Variants in TLN2 observed in about 807,000 individuals in gnomAD.
The protein encoded by TLN2 is talin-2.
A neutral mutation model predicts 294.7 loss-of-function variants in TLN2; 118 were observed. That is an observed-to-expected ratio of 0.40 (90% CI 0.34 to 0.47). The LOEUF is 0.47. TLN2 is among the 20% of genes least tolerant of loss of function. The pLI is 0.84. For missense variants in TLN2, 3,083 were observed against 3,282.2 expected, an observed-to-expected ratio of 0.94 and a Z score of 1.48; for synonymous variants, 1,431 against 1,304.5, an observed-to-expected ratio of 1.10 and a Z score of -2.09.
rs1356457924 is a variant in TLN2 at position 62,740,614 on chromosome 15, C to T, written c.3886-16C>T. ...TGGACAGGCCCTAATAGCTCCGGCT[C>T]CTTTTGACCTTCCAGACAAAAGAAG... On this transcript the variant is annotated splice_polypyrimidine_tract_variant and intron_variant, in intron 31 of 58. Coordinates refer to ENST00000636159, the MANE Select transcript of TLN2 (RefSeq NM_015059.3). 1 of 1,614,046 alleles carries T rather than the reference C, an allele frequency of 6.2e-7. No individual in the cohort carries two copies. The highest frequency in any genetic ancestry group is 8.5e-7 in the Non-Finnish European group (1 of 1,179,988).
At chr15:62,750,543 G>A in intron 34 of TLN2, 52 bp downstream of exon 34, 1 of 1,526,354 alleles carries the variant, frequency 6.6e-7, no homozygotes, top group Non-Finnish European at 9.1e-7. Flanking sequence ...GTCAATGTGG[G>A]GAGAAGTTTA....
At chr15:62,825,861 T>A (rs1596145442) in intron 54 of TLN2, among the ~76,000 whole-genome samples, 1 of 90,702 alleles carries the variant, frequency 1.1e-5, no homozygotes, top group East Asian at 2.5e-4. Flanking sequence ...ATTATATATA[T>A]ATATATTTAT....
intron 1 of TLN2, among the ~76,000 whole-genome samples, chr15:62,448,252 A>C (rs1397392724): frequency 6.6e-6 from 1 of 152,218 alleles, no homozygotes; most frequent in Non-Finnish European, 1.5e-5. Context: ...CTGAGGAGTG[A>C]CAGGATTCCC....
intron 11 of TLN2, among the ~76,000 whole-genome samples, chr15:62,679,832 A>G (rs2056638363): frequency 1.3e-5 from 2 of 152,206 alleles, no homozygotes; most frequent in Admixed American, 1.3e-4. Flanking sequence ...CCAGCATTAC[A>G]TGTACTTGTG....
chr15:62,657,153 T>TG (rs35956846), intron 8 of TLN2, among the ~76,000 whole-genome samples: 112,718 of 139,106 alleles, frequency 0.81, 46,456 homozygotes, highest in Non-Finnish European at 0.89. Flanking sequence ...GCTGAAAAGG[T>TG]GGGGGGGGGA....
At chr15:62,480,395 T>C (rs1470303329) in intron 1 of TLN2, among the ~76,000 whole-genome samples, 1 of 152,026 alleles carries the variant, frequency 6.6e-6, no homozygotes. Flanking sequence ...TGTATTTTTA[T>C]TAGAGACAGA....
At chr15:62,496,369 C>G (rs1314648414) in intron 1 of TLN2, among the ~76,000 whole-genome samples, 1 of 151,834 alleles carries the variant, frequency 6.6e-6, no homozygotes, top group Admixed American at 6.6e-5. Flanking sequence ...AGAAATTACA[C>G]GGAACCACAT....
At position 62,648,809 on chromosome 15, in the gene TLN2, A is replaced by G. The variant is rs578027172; in HGVS notation, c.137-1275A>G. On this transcript the variant is annotated intron_variant, in intron 4 of 58. Transcript: ENST00000636159. ...GGTGATCTGCCTGCCTCGGCCTCCT[A>G]AAGTGCTGGGATTACAGACGTGAGC... Among the ~76,000 whole-genome samples, 20 of 152,118 alleles carry G rather than the reference A, an allele frequency of 1.3e-4. No homozygotes were observed. The South Asian group carries it at 3.1e-3, about 24-fold the overall frequency.
chr15:62,421,172 T>G (rs1025305873), intron 1 of TLN2, among the ~76,000 whole-genome samples: 1 of 152,188 alleles, frequency 6.6e-6, no homozygotes, highest in African/African-American at 2.4e-5. Flanking sequence ...TGCATCTTGT[T>G]ACCGGTCCAC....
At chr15:62,432,012 G>T (rs922835434) in intron 1 of TLN2, among the ~76,000 whole-genome samples, 1 of 152,274 alleles carries the variant, frequency 6.6e-6, no homozygotes, top group Non-Finnish European at 1.5e-5. Flanking sequence ...TGCTCTTTTA[G>T]CTCCTGAATG....
At chr15:62,425,979 TC>T (rs1231996032) in intron 1 of TLN2, among the ~76,000 whole-genome samples, 1 of 152,156 alleles carries the variant, frequency 6.6e-6, no homozygotes, top group African/African-American at 2.4e-5. Context: ...AATTTCTAAG[TC>T]CCCTTGACCT....
At chr15:62,694,429 C>A (rs923780822) in intron 14 of TLN2, 37 bp downstream of exon 14, 2 of 1,579,072 alleles carry the variant, frequency 1.3e-6, no homozygotes, top group African/African-American at 1.3e-5. Context: ...ACCACCTTCT[C>A]CCTAGATAGG....
At chr15:62,402,337 A>G (rs1263284305) in intron 1 of TLN2, among the ~76,000 whole-genome samples, 1 of 152,202 alleles carries the variant, frequency 6.6e-6, no homozygotes, top group South Asian at 2.1e-4. Flanking sequence ...CAAACTCACC[A>G]GTCTGACCGT....
In TLN2 at chr15:62,761,688, A is replaced by T; in HGVS notation, c.4646A>T (p.Asp1549Val). The T allele has an allele frequency of 6.2e-7, 1 of 1,614,082 alleles. No homozygotes were observed. Among genetic ancestry groups the T allele is most frequent in the Non-Finnish European group, 8.5e-7 (1 of 1,180,000 alleles). The change falls in exon 38 of 59, where the codon GAT (aspartate) becomes GTT (valine). Residue 1549 changes from aspartate (D) to valine (V), a missense_variant. Transcript: ENST00000636159. ...CCTGTTTTCTCCCATCAGGCCCTGG[A>T]TGGGGATTTCTCTGAAGACAACCGC... Reference protein sequence around the residue: ...ANLVKTIKALDGDFSEDNRNK... With the variant: ...ANLVKTIKALVGDFSEDNRNK...
At chr15:62,762,729 G>GA (rs1567550483) in intron 39 of TLN2, among the ~76,000 whole-genome samples, 1 of 152,118 alleles carries the variant, frequency 6.6e-6, no homozygotes, top group Non-Finnish European at 1.5e-5. Flanking sequence ...TTGTACTGAT[G>GA]AAAAAATTTA....
chr15:62,751,308 C>T (rs374332183), intron 34 of TLN2, among the ~76,000 whole-genome samples: 5 of 152,238 alleles, frequency 3.3e-5, no homozygotes, highest in East Asian at 1.9e-4. Flanking sequence ...TTTATTCTAG[C>T]GGGGAAACAT....
intron 55 of TLN2, chr15:62,834,244 C>G (rs1241798055): frequency 6.6e-6 from 1 of 152,140 alleles, no homozygotes; most frequent in Non-Finnish European, 1.5e-5. Context: ...GAACAGTCTT[C>G]CGATTTAACA....
At chr15:62,751,195 CTT>C (rs973320431) in intron 34 of TLN2, among the ~76,000 whole-genome samples, 7 of 151,958 alleles carry the variant, frequency 4.6e-5, no homozygotes, top group African/African-American at 1.7e-4. Context: ...ATACCAATGT[CTT>C]TTGAGAATGC....
intron 1 of TLN2, among the ~76,000 whole-genome samples, chr15:62,468,399 T>A (rs1360166476): frequency 1.3e-5 from 2 of 152,226 alleles, no homozygotes; most frequent in Admixed American, 1.3e-4. Context: ...AAAGTTAAGA[T>A]GTTAAGACAC....
Sources: allele counts gnomAD v4.1 joint callset (sites outside exome capture counted in the v4.1 genomes callset), GRCh38; gene constraint gnomAD v4.1.1; transcripts MANE v1.5; gene names NCBI Gene and HGNC (gene_info 2026-07-23, HGNC 2026-07-21).